Variants in PKNOX2 observed in about 807,000 individuals in gnomAD.
PKNOX2 encodes the protein homeobox protein PKNOX2.
A neutral mutation model predicts 53.1 loss-of-function variants in PKNOX2; 14 were observed. The observed-to-expected ratio is 0.26, with a 90% CI of 0.17 to 0.41. The LOEUF (loss-of-function observed/expected upper bound fraction) is 0.41. Ranked by LOEUF, PKNOX2 falls within the 10% of genes least tolerant of loss-of-function variation. The pLI, the probability that PKNOX2 is intolerant of heterozygous loss-of-function variation, is 1.00. For synonymous variants in PKNOX2, 257 were observed against 242.8 expected, an observed-to-expected ratio of 1.06 and a Z score of -0.54; for missense variants, 496 against 602.8, an observed-to-expected ratio of 0.82 and a Z score of 1.85.
chr11:125,408,160 G>A (rs1565518811), intron 7 of PKNOX2, among the ~76,000 whole-genome samples: 1 of 152,248 alleles, frequency 6.6e-6, no homozygotes, highest in Non-Finnish European at 1.5e-5. Flanking sequence ...AACGGGCTGT[G>A]TGGCCTTGGG....
chr11:125,282,227 A>G (rs1946605271), intron 2 of PKNOX2, among the ~76,000 whole-genome samples: 1 of 152,248 alleles, frequency 6.6e-6, no homozygotes, highest in Admixed American at 6.5e-5. Flanking sequence ...TTGGGTTTGA[A>G]ACTGACCTCT....
intron 1 of PKNOX2, among the ~76,000 whole-genome samples, chr11:125,205,603 C>A (rs1938997750): frequency 6.7e-6 from 1 of 150,166 alleles, no homozygotes; most frequent in African/African-American, 2.4e-5. Flanking sequence ...GGGTTATAAC[C>A]CTTTCAGCCC....
intron 2 of PKNOX2, among the ~76,000 whole-genome samples, chr11:125,273,861 T>C (rs961414983): frequency 3.3e-5 from 5 of 152,220 alleles, no homozygotes; most frequent in Non-Finnish European, 5.9e-5. Flanking sequence ...ATTTGACTAC[T>C]GTTGAGCTGT....
chr11:125,383,128 C>G (rs923942755), intron 5 of PKNOX2, among the ~76,000 whole-genome samples: 1 of 152,160 alleles, frequency 6.6e-6, no homozygotes, highest in African/African-American at 2.4e-5. Context: ...TCATAAAATG[C>G]GAGTGTGAGT....
intron 1 of PKNOX2, among the ~76,000 whole-genome samples, chr11:125,220,942 G>A (rs1200461124): frequency 1.3e-5 from 2 of 152,056 alleles, no homozygotes; most frequent in African/African-American, 4.8e-5. Flanking sequence ...TTGAGAGGCC[G>A]AGGCGGGCGA....
intron 6 of PKNOX2, among the ~76,000 whole-genome samples, chr11:125,389,206 A>AACAAACAT (rs1438850468): frequency 6.6e-6 from 1 of 151,746 alleles, no homozygotes; most frequent in Non-Finnish European, 1.5e-5. Flanking sequence ...AAAACAAACA[A>AACAAACAT]ACAAACAAAC....
chr11:125,395,444 A>G (rs116958456), intron 6 of PKNOX2, among the ~76,000 whole-genome samples: 1 of 152,346 alleles, frequency 6.6e-6, no homozygotes, highest in Non-Finnish European at 1.5e-5. Flanking sequence ...GCCCAAGAGT[A>G]CAATTGCTGG....
intron 2 of PKNOX2, among the ~76,000 whole-genome samples, chr11:125,327,262 C>A (rs1417535711): frequency 1.3e-5 from 2 of 152,174 alleles, no homozygotes; most frequent in African/African-American, 4.8e-5. Flanking sequence ...GGAAGCCAGC[C>A]CATGTCCATA....
chr11:125,296,174 G>A (rs1028825772), intron 2 of PKNOX2, among the ~76,000 whole-genome samples: 1 of 151,916 alleles, frequency 6.6e-6, no homozygotes, highest in Non-Finnish European at 1.5e-5. Flanking sequence ...CTTCTTCTCA[G>A]CCTTTTTTTT....
chr11:125,258,767 C>T (rs967922438), intron 2 of PKNOX2: 1 of 246,528 alleles, frequency 4.1e-6, no homozygotes, highest in Non-Finnish European at 8.7e-6. Flanking sequence ...GCCGCCCTGG[C>T]TGCCAGAGGG....
At chr11:125,198,502 G>T (rs979897836) in intron 1 of PKNOX2, among the ~76,000 whole-genome samples, 1 of 152,168 alleles carries the variant, frequency 6.6e-6, no homozygotes, top group Non-Finnish European at 1.5e-5. Flanking sequence ...TCCCCTCCAT[G>T]GTAGTGAGGT....
In PKNOX2 at chr11:125,431,275, A is replaced by G. The variant is rs1956688966; in HGVS notation, c.1302A>G (p.Glu434=). The part of the protein sequence containing the change: ...AHDDSLDGTE[E]EDEDEMEEEE... ...ATGACTCATTGGATGGGACAGAAGA[A>G]GAGGATGAGGATGAGATGGAAGAGG... The change falls in exon 13 of 13, where the codon GAA becomes GAG. Residue 434 remains glutamate, a synonymous_variant. Transcript: ENST00000298282. The G allele has an allele frequency of 1.2e-6, 2 of 1,613,602 alleles. No homozygotes were observed. Among genetic ancestry groups the G allele is most frequent in the African/African-American group, 1.3e-5 (1 of 74,914 alleles).
chr11:125,296,430 A>G (rs1323669939), intron 2 of PKNOX2, among the ~76,000 whole-genome samples: 2 of 151,632 alleles, frequency 1.3e-5, no homozygotes, highest in Non-Finnish European at 2.9e-5. Context: ...CGCCTGGGAC[A>G]CTCTTCCTCC....
At chr11:125,179,862 T>C (rs1321599525) in intron 1 of PKNOX2, among the ~76,000 whole-genome samples, 2 of 152,146 alleles carry the variant, frequency 1.3e-5, no homozygotes, top group East Asian at 1.9e-4. Context: ...AATGAACAAA[T>C]GCATTAGGTA....
At position 125,165,167 on chromosome 11, in the gene PKNOX2, G is replaced by A. The variant is rs1241273123; in HGVS notation, c.-201+391G>A. On this transcript the variant is annotated intron_variant, in intron 1 of 12. Transcript: ENST00000298282. This position sits in a 1 kb window ranked among gnomAD's most constrained non-coding sequence, Gnocchi z 4.5. ...CAGCCCCGCCGCCGCCGCCGCCGCC[G>A]CCTCGCCGCGCTTGGGCCCGTGGCC... 6.7e-6 allele frequency among the ~76,000 whole-genome samples: 1 copy of A among 149,498 alleles called. No homozygotes were observed. The highest frequency in any genetic ancestry group is 2.1e-4 in the South Asian group (1 of 4,822).
intron 5 of PKNOX2, among the ~76,000 whole-genome samples, chr11:125,373,214 C>G (rs1386306781): frequency 6.6e-6 from 1 of 152,192 alleles, no homozygotes. Flanking sequence ...TCTGTTTTCT[C>G]AACTATCAAA....
chr11:125,287,139 T>C (rs1946958812), intron 2 of PKNOX2, among the ~76,000 whole-genome samples: 1 of 152,186 alleles, frequency 6.6e-6, no homozygotes, highest in South Asian at 2.1e-4. Context: ...CATATTTTAT[T>C]ATCCCCATTT....
intron 2 of PKNOX2, among the ~76,000 whole-genome samples, chr11:125,244,072 C>T (rs1305328265): frequency 1.3e-5 from 2 of 152,212 alleles, no homozygotes; most frequent in Non-Finnish European, 2.9e-5. Flanking sequence ...TTGGTAACTG[C>T]ACAAGATTGG....
intron 2 of PKNOX2, among the ~76,000 whole-genome samples, chr11:125,297,551 G>A (rs148037068): frequency 1.5e-3 from 234 of 152,272 alleles, no homozygotes; most frequent in Non-Finnish European, 2.6e-3. Flanking sequence ...TGACATTTGC[G>A]ATGACTCTTT....
Sources: allele counts gnomAD v4.1 joint callset (sites outside exome capture counted in the v4.1 genomes callset), GRCh38; gene constraint gnomAD v4.1.1; non-coding constraint Gnocchi (gnomAD v3.1); transcripts MANE v1.5; gene names NCBI Gene and HGNC (gene_info 2026-07-23, HGNC 2026-07-21).